The following BRD10 variants were observed in gnomAD, a reference collection of about 807,000 sequenced individuals.
The protein encoded by BRD10 is uncharacterized bromodomain-containing protein 10.
chr9:5,920,881 T>G, the BRD10 span: 1 of 1,613,956 alleles, frequency 6.2e-7, no homozygotes, highest in South Asian at 1.1e-5. Flanking sequence ...CCACAGTGTT[T>G]CCGAGACTTG....
At chr9:5,959,829 A>C in the BRD10 span, among the ~76,000 whole-genome samples, 135,688 of 151,896 alleles carry the variant, frequency 0.89, 61,488 homozygotes, top group Non-Finnish European at 0.99. Flanking sequence ...TTGCAATGGA[A>C]TCTTGATTCA....
chr9:6,007,414 C>T, the BRD10 span: 1 of 1,607,126 alleles, frequency 6.2e-7, no homozygotes, highest in Admixed American at 1.7e-5. Context: ...GGCGCGACCG[C>T]CCCGGCCCCC....
chr9:5,901,682 C>A, the BRD10 span, among the ~76,000 whole-genome samples: 24 of 152,046 alleles, frequency 1.6e-4, no homozygotes, highest in African/African-American at 5.8e-4. Context: ...CCACGCCTGG[C>A]TAAATTTTTT....
chr9:5,938,367 A>G, the BRD10 span, among the ~76,000 whole-genome samples: 1 of 152,164 alleles, frequency 6.6e-6, no homozygotes, highest in Non-Finnish European at 1.5e-5. Flanking sequence ...ACTTAAGCCC[A>G]GAAGGTCAAG....
the BRD10 span, among the ~76,000 whole-genome samples, chr9:5,891,516 G>T: frequency 6.6e-6 from 1 of 152,094 alleles, no homozygotes; most frequent in Non-Finnish European, 1.5e-5. Flanking sequence ...ACCTCTCCCT[G>T]TTGTTTTAAA....
chr9:5,969,591 T>A, the BRD10 span, among the ~76,000 whole-genome samples: 2 of 152,220 alleles, frequency 1.3e-5, no homozygotes, highest in African/African-American at 4.8e-5. Context: ...TCCCCCAGGC[T>A]GTAGTGCAGT....
chr9:5,963,493 C>T, the BRD10 span, among the ~76,000 whole-genome samples: 87 of 146,740 alleles, frequency 5.9e-4, no homozygotes, highest in Middle Eastern at 6.9e-3. Context: ...AGGTAATTTA[C>T]AGATTCAATG....
At chr9:5,979,366 T>A in the BRD10 span, among the ~76,000 whole-genome samples, 5 of 151,896 alleles carry the variant, frequency 3.3e-5, no homozygotes, top group Non-Finnish European at 1.5e-5. Flanking sequence ...ATGTAAAAAT[T>A]TGCCAAGTGT....
At chr9:5,974,084 T>G in the BRD10 span, among the ~76,000 whole-genome samples, 5,130 of 152,002 alleles carry the variant, frequency 0.034, 286 homozygotes, top group African/African-American at 0.12. Context: ...TTTGGGCACA[T>G]GATAAAACAA....
the BRD10 span, chr9:5,921,846 G>A: frequency 6.2e-7 from 1 of 1,613,942 alleles, no homozygotes; most frequent in Non-Finnish European, 8.5e-7. Context: ...TCTATCACGT[G>A]GCCCAAATCA....
At chr9:5,885,277 C>A in the BRD10 span, among the ~76,000 whole-genome samples, 1 of 152,262 alleles carries the variant, frequency 6.6e-6, no homozygotes, top group Non-Finnish European at 1.5e-5. Flanking sequence ...CTGGGCACCC[C>A]CTCCGAACTG....
At chr9:5,884,266 A>T in the BRD10 span, among the ~76,000 whole-genome samples, 1 of 152,218 alleles carries the variant, frequency 6.6e-6, no homozygotes, top group Non-Finnish European at 1.5e-5. Flanking sequence ...ATTTACTGCA[A>T]GTCTGGTCAA....
the BRD10 span, chr9:6,007,588 C>T: frequency 1.9e-6 from 3 of 1,608,260 alleles, no homozygotes; most frequent in South Asian, 3.3e-5. Flanking sequence ...GCAGCAACCG[C>T]CTCCGATCAC....
the BRD10 span, chr9:6,008,166 G>T: frequency 5.1e-6 from 5 of 974,198 alleles, no homozygotes; most frequent in African/African-American, 7.0e-5. Context: ...CCGGGCCAGC[G>T]GGGGGCTGGG....
chr9:5,923,280 G>C, the BRD10 span: 3 of 1,609,444 alleles, frequency 1.9e-6, no homozygotes, highest in Non-Finnish European at 2.5e-6. Flanking sequence ...CTAGCCATAG[G>C]AAAATCTATT....
At chr9:5,966,914 A>G in the BRD10 span, among the ~76,000 whole-genome samples, 1 of 152,130 alleles carries the variant, frequency 6.6e-6, no homozygotes, top group Non-Finnish European at 1.5e-5. Context: ...GCATTTTGAA[A>G]TTTTCAGTCC....
chr9:5,913,122 C>G, the BRD10 span, among the ~76,000 whole-genome samples: 2 of 152,112 alleles, frequency 1.3e-5, no homozygotes, highest in Non-Finnish European at 2.9e-5. Context: ...AAGGAGGGAA[C>G]AAGAGCTAGC....
chr9:5,925,671 CA>C, the BRD10 span, among the ~76,000 whole-genome samples: 1 of 152,100 alleles, frequency 6.6e-6, no homozygotes, highest in Non-Finnish European at 1.5e-5. Flanking sequence ...CTAAACCTTT[CA>C]ATCTTAATAG....
chr9:5,884,436 G>A, the BRD10 span, among the ~76,000 whole-genome samples: 1,727 of 152,254 alleles, frequency 0.011, 27 homozygotes, highest in African/African-American at 0.039. Flanking sequence ...CATATGGAAC[G>A]ACTCACAATT....
Sources: gnomAD v4.1 joint callset for allele counts (sites outside exome capture counted in the v4.1 genomes callset) on GRCh38, gnomAD v4.1.1 for gene constraint, MANE v1.5 for transcripts, NCBI Gene and HGNC (gene_info 2026-07-23, HGNC 2026-07-21) for gene names.